Variants in NFASC observed in about 807,000 individuals in gnomAD.
The protein encoded by NFASC is neurofascin.
Under a neutral mutation model 147.5 loss-of-function variants are expected in NFASC, and 43 were observed. The observed-to-expected ratio is 0.29, with a 90% CI of 0.23 to 0.38. The LOEUF (loss-of-function observed/expected upper bound fraction) is 0.38. NFASC is among the 10% of genes least tolerant of loss of function. The pLI is 1.00. For missense variants in NFASC, 1,320 were observed against 1,689.0 expected (o/e 0.78, Z 3.83); for synonymous variants, 622 against 665.5 (o/e 0.93, Z 1.01).
intron 1 of NFASC, among the ~76,000 whole-genome samples, chr1:204,872,388 G>A (rs992381827): frequency 6.6e-6 from 1 of 152,168 alleles, no homozygotes; most frequent in African/African-American, 2.4e-5. Context: ...TCCCTCCCAC[G>A]GTCTGAAGGA....
intron 2 of NFASC, among the ~76,000 whole-genome samples, chr1:204,929,198 G>T (rs1247753836): frequency 6.6e-6 from 1 of 152,030 alleles, no homozygotes; most frequent in Non-Finnish European, 1.5e-5. Context: ...CCAAGGCAGG[G>T]AAAGACAGGC....
At chr1:204,939,252 T>A (rs906183220) in intron 2 of NFASC, among the ~76,000 whole-genome samples, 23 of 152,104 alleles carry the variant, frequency 1.5e-4, no homozygotes, top group Admixed American at 1.4e-3. Context: ...CTCATGTATT[T>A]TATATCCTTA....
chr1:204,923,298 G>T (rs1168118168), intron 2 of NFASC, among the ~76,000 whole-genome samples: 2 of 152,092 alleles, frequency 1.3e-5, no homozygotes, highest in Non-Finnish European at 2.9e-5. Context: ...ATATGGAGCT[G>T]CCCCAAGCGT....
chr1:204,954,404 G>T lies in NFASC; in HGVS notation c.412+20G>T. 1 of 1,608,894 alleles carries T rather than the reference G, an allele frequency of 6.2e-7. No individual in the cohort carries two copies. Among genetic ancestry groups the T allele is most frequent in the Non-Finnish European group, 8.5e-7 (1 of 1,176,694 alleles). Reference sequence around the variant, plus strand: ...TGTCTAGTGAGTAGCGTGGGGCAGGGCTGAAATGCCCTGCTCCTGGGTAAA... The same window carrying T: ...TGTCTAGTGAGTAGCGTGGGGCAGGTCTGAAATGCCCTGCTCCTGGGTAAA... On this transcript the variant is annotated intron_variant, in intron 6 of 29. Transcript: ENST00000339876. The surrounding 1 kb of genome is among the most constrained non-coding windows in gnomAD (Gnocchi z 5.7).
intron 2 of NFASC, among the ~76,000 whole-genome samples, chr1:204,926,845 G>A (rs913243508): frequency 2.0e-5 from 3 of 151,886 alleles, no homozygotes; most frequent in Admixed American, 2.0e-4. Flanking sequence ...AGGCTGAGGC[G>A]GGTGGATCAC....
chr1:204,856,162 A>G (rs1202554368), intron 1 of NFASC, among the ~76,000 whole-genome samples: 1 of 152,008 alleles, frequency 6.6e-6, no homozygotes, highest in Non-Finnish European at 1.5e-5. Flanking sequence ...TGCCCTCGAG[A>G]GCTTGCAGTC....
chr1:204,939,774 G>T (rs1399359579), intron 2 of NFASC, among the ~76,000 whole-genome samples: 3 of 152,268 alleles, frequency 2.0e-5, no homozygotes, highest in Non-Finnish European at 2.9e-5. Flanking sequence ...TAGCAAGCCT[G>T]TCCCTTTCAC....
chr1:204,991,055 C>G (rs2095719272), intron 23 of NFASC, among the ~76,000 whole-genome samples: 1 of 152,180 alleles, frequency 6.6e-6, no homozygotes, highest in Admixed American at 6.5e-5. Context: ...CTCCAAGGCC[C>G]AGGTGGAAAG....
chr1:204,968,197 G>C lies in NFASC; in HGVS notation c.707-52G>C. ...CTAGCCTGACAGCGTTGGCCTAGTG[G>C]GGTCTGCCTTCTGGAAGGAGGCTCA... On this transcript the variant is annotated intron_variant, in intron 8 of 29. Coordinates refer to ENST00000339876, the MANE Select transcript of NFASC (RefSeq NM_001005388.3). The surrounding 1 kb of genome is among the most constrained non-coding windows in gnomAD (Gnocchi z 5.4). The C allele has an allele frequency of 7.5e-7, 1 of 1,338,386 alleles. No individual in the cohort carries two copies. The highest frequency in any genetic ancestry group is 1.2e-5 in the South Asian group (1 of 85,234). 82.9% of individuals were successfully genotyped at this position (1,338,386 alleles called of 1,614,324 possible).
chr1:204,845,765 A>G (rs61132612), intron 1 of NFASC, among the ~76,000 whole-genome samples: 8,067 of 151,664 alleles, frequency 0.053, 606 homozygotes, highest in African/African-American at 0.17. Context: ...TCAGCTAGGC[A>G]TGGTGGCACA....
In NFASC at chr1:204,954,772, C is replaced by T; in HGVS notation, c.413-57C>T. On this transcript the variant is annotated intron_variant, in intron 6 of 29. Transcript: ENST00000339876. The surrounding 1 kb of genome is among the most constrained non-coding windows in gnomAD (Gnocchi z 5.7). Reference sequence around the variant, plus strand: ...TGCATGCCTGCCTCTGACCCTGCTCCTTGCCCCGGGCCCAGCCATCACCCT... The same window carrying T: ...TGCATGCCTGCCTCTGACCCTGCTCTTTGCCCCGGGCCCAGCCATCACCCT... The T allele has an allele frequency of 1.2e-6, 2 of 1,600,078 alleles. No homozygotes were observed. Among genetic ancestry groups the T allele is most frequent in the South Asian group, 1.1e-5 (1 of 89,894 alleles).
intron 2 of NFASC, among the ~76,000 whole-genome samples, chr1:204,933,154 G>A (rs2092519174): frequency 6.6e-6 from 1 of 152,172 alleles, no homozygotes. Flanking sequence ...GGTTTTCAGA[G>A]GAGCACTGAC....
At chr1:204,832,034 T>C (rs1672342406) in intron 1 of NFASC, among the ~76,000 whole-genome samples, 1 of 152,130 alleles carries the variant, frequency 6.6e-6, no homozygotes, top group South Asian at 2.1e-4. Flanking sequence ...GAATGGTAGC[T>C]CAGGGCTGAC....
chr1:204,915,062 G>A (rs971060289), intron 1 of NFASC, among the ~76,000 whole-genome samples: 3 of 152,144 alleles, frequency 2.0e-5, no homozygotes, highest in East Asian at 1.9e-4. Context: ...GGTGGATCAC[G>A]AGGTCAGGAG....
At chr1:204,910,398 T>C (rs939859604) in intron 1 of NFASC, among the ~76,000 whole-genome samples, 1 of 152,208 alleles carries the variant, frequency 6.6e-6, no homozygotes, top group African/African-American at 2.4e-5. Context: ...AATTTTCATG[T>C]TTGTCTTGTA....
chr1:204,987,356 GT>G lies in NFASC; in HGVS notation c.2471-58del. Reference sequence around the variant, plus strand: ...TTCATACTTGTGCTTTGTTTTTTGTGTTTTCCTCATCCTCCCTGCCCCCTCC... The same window carrying G: ...TTCATACTTGTGCTTTGTTTTTTGTGTTTCCTCATCCTCCCTGCCCCCTCC... On this transcript the variant is annotated intron_variant, in intron 21 of 29. Coordinates refer to ENST00000339876, the MANE Select transcript of NFASC (RefSeq NM_001005388.3). The surrounding 1 kb of genome is among the most constrained non-coding windows in gnomAD (Gnocchi z 4.4). 1 of 1,516,406 alleles carries G rather than the reference GT, an allele frequency of 6.6e-7. No individual in the cohort carries two copies. The highest frequency in any genetic ancestry group is 9.0e-7 in the Non-Finnish European group (1 of 1,108,658). 93.9% of individuals were successfully genotyped at this position (1,516,406 alleles called of 1,614,324 possible).
intron 1 of NFASC, among the ~76,000 whole-genome samples, chr1:204,845,925 T>C (rs1216727668): frequency 6.6e-6 from 1 of 151,748 alleles, no homozygotes; most frequent in Admixed American, 6.6e-5. Flanking sequence ...GCTCATGAGG[T>C]TATGGCTCCA....
chr1:204,971,996 G>T (rs1342977467), intron 11 of NFASC, among the ~76,000 whole-genome samples: 1 of 152,200 alleles, frequency 6.6e-6, no homozygotes, highest in African/African-American at 2.4e-5. Context: ...GTGACTGGGG[G>T]GATTATTGGT....
intron 19 of NFASC, 102 bp from the exon 20 acceptor site, chr1:204,980,264 AAGAC>A: frequency 1.2e-6 from 1 of 824,714 alleles, no homozygotes; most frequent in South Asian, 1.4e-5. Context: ...ATGCCGAGGA[AAGAC>A]AGAGCATAGA....
Sources: allele counts gnomAD v4.1 joint callset (sites outside exome capture counted in the v4.1 genomes callset), GRCh38; gene constraint gnomAD v4.1.1; non-coding constraint Gnocchi (gnomAD v3.1); transcripts MANE v1.5; gene names NCBI Gene and HGNC (gene_info 2026-07-23, HGNC 2026-07-21).